DLGAP1: variants seen among roughly 807,000 people sequenced by gnomAD.
DLGAP1 encodes DLG associated protein 1.
Under a neutral mutation model 90.8 loss-of-function variants are expected in DLGAP1, and 11 were observed. That is an observed-to-expected ratio of 0.12 (90% CI 0.08 to 0.20). DLGAP1 has a LOEUF of 0.20. DLGAP1 is among the 10% of genes least tolerant of loss of function. The pLI, the probability that DLGAP1 is intolerant of heterozygous loss-of-function variation, is 1.00. For missense variants in DLGAP1, 1,050 were observed against 1,333.8 expected, an observed-to-expected ratio of 0.79 and a Z score of 3.31; for synonymous variants, 558 against 540.7, an observed-to-expected ratio of 1.03 and a Z score of -0.44.
At chr18:4,401,074 T>G (rs1318866160) in intron 1 of DLGAP1, among the ~76,000 whole-genome samples, 2 of 152,302 alleles carry the variant, frequency 1.3e-5, no homozygotes, top group Non-Finnish European at 2.9e-5. Context: ...GTTGGGTAAG[T>G]CATGCAGGAA....
chr18:3,726,112 G>A (rs2062167709), intron 7 of DLGAP1, among the ~76,000 whole-genome samples: 1 of 152,176 alleles, frequency 6.6e-6, no homozygotes, highest in Non-Finnish European at 1.5e-5. Context: ...CAAAGGGTAA[G>A]TTTAGGAAAA....
At chr18:3,573,090 T>G (rs1338233715) in intron 8 of DLGAP1, among the ~76,000 whole-genome samples, 1 of 152,218 alleles carries the variant, frequency 6.6e-6, no homozygotes, top group Admixed American at 6.5e-5. Flanking sequence ...CTTTGATTAA[T>G]TCTCAAATTT....
At chr18:3,840,157 A>T (rs2148626309) in intron 4 of DLGAP1, among the ~76,000 whole-genome samples, 1 of 152,270 alleles carries the variant, frequency 6.6e-6, no homozygotes, top group East Asian at 1.9e-4. Flanking sequence ...TTAACATCTT[A>T]TTCCTCTTTA....
chr18:4,116,679 A>G (rs1453192099), intron 2 of DLGAP1, among the ~76,000 whole-genome samples: 1 of 152,168 alleles, frequency 6.6e-6, no homozygotes, highest in Non-Finnish European at 1.5e-5. Context: ...TTTCAAATTC[A>G]GAATTTTCAT....
At chr18:3,680,500 T>C (rs1333777812) in intron 7 of DLGAP1, among the ~76,000 whole-genome samples, 2 of 152,080 alleles carry the variant, frequency 1.3e-5, no homozygotes, top group Admixed American at 1.3e-4. Context: ...CCATTGAAAA[T>C]TTGGAGGCCG....
chr18:4,215,310 T>C (rs557423840), intron 1 of DLGAP1, among the ~76,000 whole-genome samples: 3 of 152,336 alleles, frequency 2.0e-5, no homozygotes, highest in African/African-American at 7.2e-5. Flanking sequence ...GACAAAATGC[T>C]ATTTTATGCA....
intron 2 of DLGAP1, among the ~76,000 whole-genome samples, chr18:4,091,012 T>C (rs952288174): frequency 2.0e-5 from 3 of 152,194 alleles, no homozygotes; most frequent in Non-Finnish European, 1.5e-5. Context: ...AAACACTGCG[T>C]GTTCTCATTC....
At chr18:3,640,423 C>T (rs1459143683) in intron 7 of DLGAP1, among the ~76,000 whole-genome samples, 1 of 152,206 alleles carries the variant, frequency 6.6e-6, no homozygotes, top group African/African-American at 2.4e-5. Context: ...AAGTCAGGAC[C>T]TGCTACACAG....
chr18:4,205,346 G>A (rs2077700768), intron 1 of DLGAP1, among the ~76,000 whole-genome samples: 1 of 152,226 alleles, frequency 6.6e-6, no homozygotes, highest in Admixed American at 6.5e-5. Context: ...ATGGCACTAA[G>A]TGGATGGGAT....
intron 1 of DLGAP1, among the ~76,000 whole-genome samples, chr18:4,245,990 C>T (rs1161412595): frequency 6.7e-6 from 1 of 148,860 alleles, no homozygotes; most frequent in Non-Finnish European, 1.5e-5. Flanking sequence ...TCAAACGTTA[C>T]CACTGAAAAC....
intron 1 of DLGAP1, among the ~76,000 whole-genome samples, chr18:4,403,256 G>C (rs978524327): frequency 6.6e-6 from 1 of 152,090 alleles, no homozygotes; most frequent in Admixed American, 6.5e-5. Context: ...TATAAACCAA[G>C]TACTGAAGTT....
At chr18:4,022,938 G>A (rs760726012) in intron 2 of DLGAP1, among the ~76,000 whole-genome samples, 1 of 135,912 alleles carries the variant, frequency 7.4e-6, no homozygotes, top group Admixed American at 7.3e-5. Context: ...CTTAGCAGTA[G>A]AATTGGTGGA....
chr18:3,524,562 C>T (rs1489779985), intron 10 of DLGAP1, among the ~76,000 whole-genome samples: 2 of 152,086 alleles, frequency 1.3e-5, no homozygotes, highest in Non-Finnish European at 2.9e-5. Flanking sequence ...GCATATAAAC[C>T]TCAAATATAC....
chr18:3,562,539 C>CT (rs59612709), intron 9 of DLGAP1, among the ~76,000 whole-genome samples: 2,771 of 118,092 alleles, frequency 0.023, 171 homozygotes, highest in African/African-American at 0.079. Context: ...TCTTCTCTCC[C>CT]TTTTTTTTTT....
chr18:4,119,102 T>C (rs1038806651), intron 2 of DLGAP1, among the ~76,000 whole-genome samples: 10 of 148,206 alleles, frequency 6.7e-5, no homozygotes, highest in African/African-American at 2.5e-4. Context: ...TTTTATTTTA[T>C]TTTTTTTGAG....
chr18:3,627,777 T>TA (rs2058350535), intron 7 of DLGAP1, among the ~76,000 whole-genome samples: 1 of 151,994 alleles, frequency 6.6e-6, no homozygotes, highest in Admixed American at 6.6e-5. Flanking sequence ...CCTCCTGCCT[T>TA]AACCTCCCAA....
intron 5 of DLGAP1, among the ~76,000 whole-genome samples, chr18:3,746,896 T>C (rs538968939): frequency 3.3e-5 from 5 of 152,210 alleles, no homozygotes; most frequent in Non-Finnish European, 7.3e-5. Context: ...AAAGCTTGTA[T>C]GGAATTACTT....
chr18:4,198,897 C>T (rs550591884), intron 1 of DLGAP1, among the ~76,000 whole-genome samples: 2 of 152,242 alleles, frequency 1.3e-5, no homozygotes, highest in South Asian at 4.1e-4. Context: ...AGGCAAATGC[C>T]ACAACCTCTG....
intron 3 of DLGAP1, among the ~76,000 whole-genome samples, chr18:3,943,379 G>A (rs1262001893): frequency 6.6e-6 from 1 of 151,564 alleles, no homozygotes; most frequent in African/African-American, 2.4e-5. Flanking sequence ...TATCATCAAA[G>A]AGCTTATTCA....
Sources: allele counts gnomAD v4.1 joint callset (sites outside exome capture counted in the v4.1 genomes callset), GRCh38; gene constraint gnomAD v4.1.1; transcripts MANE v1.5; gene names NCBI Gene and HGNC (gene_info 2026-07-23, HGNC 2026-07-21).